Variants in C1QTNF7 observed in about 807,000 individuals in gnomAD.
C1QTNF7 encodes complement C1q tumor necrosis factor-related protein 7.
A neutral mutation model predicts 19.6 loss-of-function variants in C1QTNF7; 15 were observed. That is an observed-to-expected ratio of 0.76 (90% confidence interval 0.51 to 1.18). C1QTNF7 has a LOEUF of 1.18. Among genes scored for constraint, C1QTNF7 ranks in the 50% most tolerant of loss-of-function variants. The pLI is 0.00. For synonymous variants in C1QTNF7, 142 were observed against 137.5 expected, an observed-to-expected ratio of 1.03 and a Z score of -0.23; for missense variants, 324 against 359.7, an observed-to-expected ratio of 0.90 and a Z score of 0.80.
intron 1 of C1QTNF7, among the ~76,000 whole-genome samples, chr4:15,347,403 G>T (rs187937274): frequency 2.1e-4 from 32 of 152,294 alleles, no homozygotes; most frequent in Non-Finnish European, 1.2e-4. Context: ...CATTTTAAAT[G>T]CTTGAAGACT....
chr4:15,418,867 A>G (rs1419714408), intron 1 of C1QTNF7, among the ~76,000 whole-genome samples: 2 of 152,242 alleles, frequency 1.3e-5, no homozygotes, highest in South Asian at 2.1e-4. Context: ...GAGTCTGCCC[A>G]GAGCCCCTGG....
At chr4:15,431,737 T>C (rs1286331312) in intron 1 of C1QTNF7, among the ~76,000 whole-genome samples, 4 of 152,222 alleles carry the variant, frequency 2.6e-5, no homozygotes, top group Non-Finnish European at 5.9e-5. Context: ...CAGCCATGTT[T>C]TTTGGGTTAA....
chr4:15,430,342 T>C (rs1712247338), intron 1 of C1QTNF7, among the ~76,000 whole-genome samples: 1 of 152,134 alleles, frequency 6.6e-6, no homozygotes, highest in South Asian at 2.1e-4. Flanking sequence ...CCCAGCACTT[T>C]GGGAGGGCGA....
chr4:15,404,789 A>G (rs189845915), intron 1 of C1QTNF7, among the ~76,000 whole-genome samples: 2 of 152,328 alleles, frequency 1.3e-5, no homozygotes, highest in Admixed American at 6.5e-5. Flanking sequence ...TCACTTCCCG[A>G]GTAAGGAATG....
intron 1 of C1QTNF7, among the ~76,000 whole-genome samples, chr4:15,417,251 T>C (rs960752389): frequency 1.3e-5 from 2 of 152,212 alleles, no homozygotes; most frequent in Admixed American, 6.5e-5. Context: ...AGCCACCAAC[T>C]ATATCAAGTT....
chr4:15,376,784 C>T (rs1190020626), intron 1 of C1QTNF7, among the ~76,000 whole-genome samples: 3 of 152,180 alleles, frequency 2.0e-5, no homozygotes, highest in Admixed American at 2.0e-4. Flanking sequence ...CTTACAATGG[C>T]CTTCTAAATA....
chr4:15,406,394 A>G lies in C1QTNF7; in HGVS notation c.14-29342A>G, dbSNP rs575178439. On this transcript the variant is annotated intron_variant, in intron 1 of 2. Coordinates refer to the C1QTNF7 transcript ENST00000295297. ...GGTAGAAGCACACTGAGGACACCCC[A>G]TAGTGCTACGTATTAGAGAGGAAAA... is the stretch of plus-strand genomic sequence containing the variant. Among the ~76,000 whole-genome samples, 15 of 152,324 alleles carry G rather than the reference A, an allele frequency of 9.8e-5. No homozygotes were observed. The South Asian group carries it at 2.9e-3, about 29-fold the overall frequency.
At chr4:15,401,368 A>C (rs1231022977) in intron 1 of C1QTNF7, among the ~76,000 whole-genome samples, 1 of 152,160 alleles carries the variant, frequency 6.6e-6, no homozygotes, top group Non-Finnish European at 1.5e-5. Context: ...GGGATGTTTC[A>C]TCAAGGCCAG....
At chr4:15,410,763 C>G (rs1169989128) in intron 1 of C1QTNF7, among the ~76,000 whole-genome samples, 1 of 152,184 alleles carries the variant, frequency 6.6e-6, no homozygotes, top group Non-Finnish European at 1.5e-5. Context: ...ACCAGGATTT[C>G]ACGTGAATAT....
intron 1 of C1QTNF7, among the ~76,000 whole-genome samples, chr4:15,365,809 C>A (rs554548463): frequency 1.3e-5 from 2 of 152,248 alleles, no homozygotes; most frequent in East Asian, 1.9e-4. Flanking sequence ...TCCCTCCCAA[C>A]GGCTGTATTC....
At chr4:15,436,780 A>G (rs977081329) in intron 2 of C1QTNF7, among the ~76,000 whole-genome samples, 1 of 152,226 alleles carries the variant, frequency 6.6e-6, no homozygotes, top group African/African-American at 2.4e-5. Flanking sequence ...AGGGATTTGG[A>G]ATCAATCTTT....
chr4:15,422,209 T>TAA lies in C1QTNF7; in HGVS notation c.14-13527_14-13526insAA, dbSNP rs386399348. 4.7e-3 allele frequency among the ~76,000 whole-genome samples: 240 copies of TAA among 51,444 alleles called. 2 individuals are homozygous for TAA. Among genetic ancestry groups the TAA allele is most frequent in the Non-Finnish European group, 6.0e-3 (102 of 16,910 alleles). The allele number at this position is 51,444 out of a possible 152,430, so 33.7% of individuals were successfully genotyped here. The stretch of plus-strand genomic sequence containing the variant: ...TATAATCTAATAAACCTGTTTTTTT[T>TAA]TAAAAAAAAAAAAAAGGATATTGCA... On this transcript the variant is annotated intron_variant, in intron 1 of 2. Transcript: ENST00000295297.
chr4:15,397,377 G>A (rs1442492776), intron 1 of C1QTNF7, among the ~76,000 whole-genome samples: 2 of 152,164 alleles, frequency 1.3e-5, no homozygotes, highest in African/African-American at 4.8e-5. Context: ...ATAGCTACTC[G>A]CCTGCTCTGC....
intron 1 of C1QTNF7, among the ~76,000 whole-genome samples, chr4:15,420,512 C>A (rs999050217): frequency 6.6e-6 from 1 of 152,222 alleles, no homozygotes; most frequent in Non-Finnish European, 1.5e-5. Context: ...CAACAGAAAT[C>A]AACATTTTTT....
At chr4:15,389,979 G>A (rs191966817) in intron 1 of C1QTNF7, among the ~76,000 whole-genome samples, 1 of 152,118 alleles carries the variant, frequency 6.6e-6, no homozygotes, top group African/African-American at 2.4e-5. Context: ...GAGGTCCTTT[G>A]ATATTATGAA....
intron 1 of C1QTNF7, among the ~76,000 whole-genome samples, chr4:15,398,374 CT>C (rs1225938271): frequency 1.3e-5 from 2 of 152,150 alleles, no homozygotes; most frequent in African/African-American, 4.8e-5. Flanking sequence ...ACCACCCCCC[CT>C]CCCTGCCCCA....
At chr4:15,433,826 C>T (rs1487863301) in intron 1 of C1QTNF7, among the ~76,000 whole-genome samples, 1 of 152,194 alleles carries the variant, frequency 6.6e-6, no homozygotes, top group Admixed American at 6.5e-5. Context: ...TGAGATCAGA[C>T]TTGCTTCCCC....
chr4:15,375,125 A>ACT (rs1560346889), intron 1 of C1QTNF7, among the ~76,000 whole-genome samples: 1 of 151,854 alleles, frequency 6.6e-6, no homozygotes, highest in East Asian at 1.9e-4. Context: ...CTGTAACCCT[A>ACT]CTCTGAAAAA....
chr4:15,422,210 T>TA lies in C1QTNF7; in HGVS notation c.14-13512dup, dbSNP rs199592000. On this transcript the variant is annotated intron_variant, in intron 1 of 2. Coordinates refer to the C1QTNF7 transcript ENST00000295297. The stretch of plus-strand genomic sequence containing the variant: ...ATAATCTAATAAACCTGTTTTTTTT[T>TA]AAAAAAAAAAAAAAGGATATTGCAC... Among the ~76,000 whole-genome samples, 1,181 of 142,858 alleles carry TA rather than the reference T, an allele frequency of 8.3e-3. 19 individuals are homozygous for TA. The highest frequency in any genetic ancestry group is 0.022 in the African/African-American group (849 of 37,796). The allele number at this position is 142,858 out of a possible 152,430, so 93.7% of individuals were successfully genotyped here. A position where few individuals can be genotyped will look rare whatever the true frequency, so the allele number is the denominator to read the frequency against.
Sources: allele counts gnomAD v4.1 joint callset (sites outside exome capture counted in the v4.1 genomes callset), GRCh38; gene constraint gnomAD v4.1.1; transcripts MANE v1.5; gene names NCBI Gene and HGNC (gene_info 2026-07-23, HGNC 2026-07-21).